The following DAGLB variants were observed in gnomAD, a reference collection of about 807,000 sequenced individuals.
The protein encoded by DAGLB is diacylglycerol lipase beta, also known as diacylglycerol lipase-beta.
A neutral mutation model predicts 72.1 loss-of-function variants in DAGLB; 66 were observed. The observed-to-expected ratio is 0.92, with a 90% CI of 0.75 to 1.12. DAGLB has a LOEUF of 1.12. Ranked by LOEUF, DAGLB falls within the 50% of genes most tolerant of loss-of-function variation. The pLI, the probability that DAGLB is intolerant of heterozygous loss-of-function variation, is 0.00. For missense variants in DAGLB, 1,065 were observed against 884.9 expected, an observed-to-expected ratio of 1.20 and a Z score of -2.58; for synonymous variants, 414 against 359.5, an observed-to-expected ratio of 1.15 and a Z score of -1.71.
At chr7:6,418,654 A>G (rs1783997814) in intron 9 of DAGLB, among the ~76,000 whole-genome samples, 1 of 142,864 alleles carries the variant, frequency 7.0e-6, no homozygotes, top group African/African-American at 2.8e-5. Context: ...TAATCCAACT[A>G]CAAGTTTCTT....
chr7:6,429,591 G>C (rs976112454), intron 6 of DAGLB, among the ~76,000 whole-genome samples: 4 of 151,872 alleles, frequency 2.6e-5, no homozygotes, highest in Non-Finnish European at 4.4e-5. Context: ...GGGAAATCCT[G>C]TCTCTACTAA....
intron 9 of DAGLB, 176 bp from the exon 10 acceptor site, chr7:6,417,097 G>A (rs775190801): frequency 1.6e-4 from 111 of 686,918 alleles, no homozygotes; most frequent in Non-Finnish European, 2.5e-4. Context: ...CTTGCACAGC[G>A]CCTGACGTGA....
chr7:6,415,270 A>G lies in DAGLB; in HGVS notation c.1427+1357T>C, dbSNP rs142677347. On this transcript the variant is annotated intron_variant, in intron 11 of 14. Transcript: ENST00000297056. ...TAGGCAACAATTCATTATTCTGAAC[A>G]CTTCTTTATTGAGGGAAAGATTTAA... 4.3e-4 allele frequency among the ~76,000 whole-genome samples: 65 copies of G among 152,052 alleles called. 1 individual carries two copies. In the East Asian group the frequency reaches 0.011, roughly 27 times the overall value.
At position 6,447,886 on chromosome 7, in the gene DAGLB, C is replaced by A; in HGVS notation, c.-44G>T. 1.3e-6 allele frequency: 2 copies of A among 1,559,668 alleles called. No individual in the cohort carries two copies. Among genetic ancestry groups the A allele is most frequent in the South Asian group, 1.2e-5 (1 of 86,570 alleles). Reference sequence around the variant, plus strand: ...CGCACTCAGGAGAGACCCCGCGCGCCGTTCACCGAGAACAAACCAGCACCC... The same window carrying A: ...CGCACTCAGGAGAGACCCCGCGCGCAGTTCACCGAGAACAAACCAGCACCC... On this transcript the variant is annotated 5_prime_UTR_variant, in exon 1 of 15. Transcript: ENST00000297056.
At chr7:6,416,942 G>T in intron 9 of DAGLB, 21 bp from the exon 10 acceptor site, 3 of 1,613,780 alleles carry the variant, frequency 1.9e-6, no homozygotes, top group Non-Finnish European at 2.5e-6. Context: ...AGACAAAGAA[G>T]GTGGCCGTTA....
intron 8 of DAGLB, 141 bp from the exon 9 acceptor site, chr7:6,421,945 C>A: frequency 3.2e-6 from 3 of 939,952 alleles, no homozygotes; most frequent in South Asian, 2.8e-5. Context: ...GGACTGAACC[C>A]TAAACTAAAG....
intron 2 of DAGLB, among the ~76,000 whole-genome samples, chr7:6,440,417 G>T (rs935738194): frequency 1.3e-5 from 2 of 151,770 alleles, no homozygotes; most frequent in African/African-American, 4.8e-5. Flanking sequence ...CCTCAATTGA[G>T]CTACAGAAGA....
At position 6,409,986 on chromosome 7, in the gene DAGLB, C is replaced by CT; in HGVS notation, c.1869dup (p.Ala624SerfsTer70). The CT allele has an allele frequency of 6.2e-7, 1 of 1,614,170 alleles. No individual in the cohort carries two copies. The highest frequency in any genetic ancestry group is 8.5e-7 in the Non-Finnish European group (1 of 1,180,036). ...CCTATGAGTATTTTGCTGAATTCCG[C>CT]TTCGTGTGACCACTTGGCGCTATAG... On this transcript the variant is annotated frameshift_variant, in exon 15 of 15. Coordinates refer to ENST00000297056, the MANE Select transcript of DAGLB (RefSeq NM_139179.4). LOFTEE classifies it low-confidence loss of function (END_TRUNC).
chr7:6,423,537 C>T (rs890191251), intron 8 of DAGLB, among the ~76,000 whole-genome samples: 2 of 152,124 alleles, frequency 1.3e-5, no homozygotes, highest in African/African-American at 2.4e-5. Context: ...AATTCTCCTG[C>T]CTCAGCCTCC....
At chr7:6,436,869 G>A (rs58072643) in intron 2 of DAGLB, among the ~76,000 whole-genome samples, 25,086 of 151,828 alleles carry the variant, frequency 0.17, 2,448 homozygotes, top group East Asian at 0.23. Flanking sequence ...TGCTGGGGCC[G>A]GGCACGGTGA....
In DAGLB at chr7:6,447,730, C is replaced by T. The variant is rs752976964; in HGVS notation, c.95+18G>A. 1.2e-6 allele frequency: 2 copies of T among 1,608,518 alleles called. No individual in the cohort carries two copies. The highest frequency in any genetic ancestry group is 1.7e-6 in the Non-Finnish European group (2 of 1,177,856). ...CCTCTCCGGTGGGCTCCACCGCCCC[C>T]GTAGCCGCCGTCCTTACCACAGCAC... On this transcript the variant is annotated intron_variant, in intron 1 of 14. Coordinates refer to ENST00000297056, the MANE Select transcript of DAGLB (RefSeq NM_139179.4).
intron 3 of DAGLB, 35 bp downstream of exon 3, chr7:6,436,327 C>T: frequency 6.3e-7 from 1 of 1,582,356 alleles, no homozygotes; most frequent in Non-Finnish European, 8.6e-7. Context: ...TGCCTCAAAT[C>T]CACTGAAACT....
intron 11 of DAGLB, among the ~76,000 whole-genome samples, chr7:6,413,964 T>C (rs1265898908): frequency 6.6e-6 from 1 of 152,206 alleles, no homozygotes; most frequent in Non-Finnish European, 1.5e-5. Flanking sequence ...ATGGACATAA[T>C]GGAAACACCA....
intron 2 of DAGLB, among the ~76,000 whole-genome samples, chr7:6,438,764 T>C (rs752611305): frequency 3.3e-5 from 5 of 152,146 alleles, no homozygotes; most frequent in African/African-American, 4.8e-5. Flanking sequence ...TCCCAGCACA[T>C]TGGGTGGCCA....
At chr7:6,439,825 G>C (rs1784769969) in intron 2 of DAGLB, among the ~76,000 whole-genome samples, 1 of 152,080 alleles carries the variant, frequency 6.6e-6, no homozygotes, top group South Asian at 2.1e-4. Context: ...GGCAAGGCGG[G>C]TGGATCACCT....
chr7:6,411,424 C>A (rs967540351), intron 13 of DAGLB, among the ~76,000 whole-genome samples: 1 of 152,190 alleles, frequency 6.6e-6, no homozygotes, highest in Non-Finnish European at 1.5e-5. Context: ...AAGTTTGAGA[C>A]CAGCCTGGGC....
At chr7:6,427,436 T>TG (rs1169770567) in intron 6 of DAGLB, among the ~76,000 whole-genome samples, 1 of 152,014 alleles carries the variant, frequency 6.6e-6, no homozygotes, top group Non-Finnish European at 1.5e-5. Context: ...GCTCAAGTGT[T>TG]GGAGACCAGC....
chr7:6,437,514 C>G (rs1784703755), intron 2 of DAGLB, among the ~76,000 whole-genome samples: 1 of 152,148 alleles, frequency 6.6e-6, no homozygotes, highest in African/African-American at 2.4e-5. Flanking sequence ...TCACTGCAGC[C>G]TCCACCTCTC....
chr7:6,444,598 T>G (rs1473809454), intron 2 of DAGLB, among the ~76,000 whole-genome samples: 1 of 151,412 alleles, frequency 6.6e-6, no homozygotes, highest in Non-Finnish European at 1.5e-5. Context: ...GGAGACTCTA[T>G]CTCAAAAAAT....
Sources: allele counts gnomAD v4.1 joint callset (sites outside exome capture counted in the v4.1 genomes callset), GRCh38; gene constraint gnomAD v4.1.1; transcripts MANE v1.5; gene names NCBI Gene and HGNC (gene_info 2026-07-23, HGNC 2026-07-21).